Variants in HS6ST2 observed in about 807,000 individuals in gnomAD.
HS6ST2 encodes the protein heparan-sulfate 6-O-sulfotransferase 2.
HS6ST2 carries 17 observed loss-of-function variants against 33.0 expected under a neutral mutation model. That is an observed-to-expected ratio of 0.52 (90% CI 0.35 to 0.77). HS6ST2 has a LOEUF of 0.77. HS6ST2 is among the 30% of genes least tolerant of loss of function. The pLI is 0.01. For synonymous variants in HS6ST2, 248 were observed against 237.1 expected (o/e 1.05, Z -0.42); for missense variants, 519 against 551.7 (o/e 0.94, Z 0.59).
At chrX:132,805,893 G>A (rs1296764275) in intron 2 of HS6ST2, among the ~76,000 whole-genome samples, 2 of 110,559 alleles carry the variant, frequency 1.8e-5, no homozygotes, top group Non-Finnish European at 3.8e-5. Flanking sequence ...ATTACACAAT[G>A]TTTTGCCTTC....
At chrX:132,824,220 C>T (rs189746121) in intron 2 of HS6ST2, among the ~76,000 whole-genome samples, 3 of 111,671 alleles carry the variant, frequency 2.7e-5, no homozygotes, top group Non-Finnish European at 3.8e-5. Flanking sequence ...TTCATTGCTT[C>T]GTGTTTTTTA....
intron 2 of HS6ST2, among the ~76,000 whole-genome samples, chrX:132,813,409 C>G (rs1295298477): frequency 9.0e-6 from 1 of 111,536 alleles, no homozygotes; most frequent in Non-Finnish European, 1.9e-5. Flanking sequence ...ATTTATTCCG[C>G]CCAGATCACA....
chrX:132,865,572 G>C (rs1252924480), intron 2 of HS6ST2, among the ~76,000 whole-genome samples: 11 of 110,886 alleles, frequency 9.9e-5, no homozygotes, highest in African/African-American at 3.6e-4. Flanking sequence ...CACAATGGTT[G>C]AACTAGTTTA....
At chrX:132,768,335 CAAAAAA>C (rs771487342) in intron 2 of HS6ST2, among the ~76,000 whole-genome samples, 3 of 46,344 alleles carry the variant, frequency 6.5e-5, no homozygotes, top group Non-Finnish European at 1.2e-4. Context: ...GACTCTGTCT[CAAAAAA>C]AAAAAAAAAA....
chrX:132,791,975 C>G (rs745420566), intron 2 of HS6ST2, among the ~76,000 whole-genome samples: 3 of 111,460 alleles, frequency 2.7e-5, no homozygotes, highest in African/African-American at 9.8e-5. Flanking sequence ...AAAGCAAGAG[C>G]CTGTCTCCAG....
At chrX:132,868,781 G>C (rs1213397065) in intron 2 of HS6ST2, among the ~76,000 whole-genome samples, 1 of 111,808 alleles carries the variant, frequency 8.9e-6, no homozygotes, top group African/African-American at 3.2e-5. Flanking sequence ...AGCTAAAGCA[G>C]TGTTTAGAAG....
At chrX:132,939,179 C>G (rs2066859959) in intron 2 of HS6ST2, among the ~76,000 whole-genome samples, 1 of 111,818 alleles carries the variant, frequency 8.9e-6, no homozygotes, top group African/African-American at 3.3e-5. Context: ...GGCCCCACCT[C>G]CAACATTAGG....
rs1409748427 is a variant in HS6ST2 at position 132,633,208 on chromosome X, G to A, written c.1068-4115C>T. The stretch of plus-strand genomic sequence containing the variant: ...AGAAACGTGCATCAAAAAACCTCCC[G>A]GGGAGTGAAGGAGTAGTGGCAGGAA... On this transcript the variant is annotated intron_variant, in intron 4 of 4. Coordinates refer to ENST00000370833, the MANE Select transcript of HS6ST2 (RefSeq NM_001394073.1). Among the ~76,000 whole-genome samples the A allele has an allele frequency of 2.0e-4, 22 of 110,214 alleles. 1 individual carries two copies. The highest frequency in any genetic ancestry group is 6.9e-4 in the Admixed American group (7 of 10,175).
At chrX:132,873,354 T>C (rs1404042195) in intron 2 of HS6ST2, among the ~76,000 whole-genome samples, 1 of 111,764 alleles carries the variant, frequency 8.9e-6, no homozygotes, top group East Asian at 2.8e-4. Context: ...CAAGAAGCTT[T>C]GGGTCATCAC....
chrX:132,720,011 T>C (rs915041862), intron 2 of HS6ST2, among the ~76,000 whole-genome samples: 1 of 112,493 alleles, frequency 8.9e-6, no homozygotes, highest in Non-Finnish European at 1.9e-5. Context: ...TGGGAGTTTC[T>C]TCCTGCCTAA....
intron 2 of HS6ST2, among the ~76,000 whole-genome samples, chrX:132,876,654 T>C (rs1396380550): frequency 9.1e-6 from 1 of 110,484 alleles, no homozygotes; most frequent in Non-Finnish European, 1.9e-5. Flanking sequence ...CACTCCTTTA[T>C]GGTGGGAGGG....
Position 132,898,381 on chromosome X carries a change from T to TTATATATATA in HS6ST2, c.947+58417_947+58426dup, listed in dbSNP as rs10545986. Among the ~76,000 whole-genome samples, 447 of 89,182 alleles carry TTATATATATA rather than the reference T, an allele frequency of 5.0e-3. 1 individual carries two copies. The highest frequency in any genetic ancestry group is 8.2e-3 in the Non-Finnish European group (369 of 45,168). The allele number at this position is 89,182 out of a possible 115,157, so 77.4% of individuals were successfully genotyped here. The stretch of plus-strand genomic sequence containing the variant: ...ATATGCTCTCTTTATCAACATAAGG[T>TTATATATATA]TATATATATATATATATATATATAT... On this transcript the variant is annotated intron_variant, in intron 2 of 4. Coordinates refer to ENST00000370833, the MANE Select transcript of HS6ST2 (RefSeq NM_001394073.1).
At chrX:132,855,225 T>C (rs1232594925) in intron 2 of HS6ST2, among the ~76,000 whole-genome samples, 1 of 111,901 alleles carries the variant, frequency 8.9e-6, no homozygotes, top group African/African-American at 3.3e-5. Flanking sequence ...ACAATGATTA[T>C]AAGAGCCATC....
chrX:132,669,306 C>T (rs1048127225), intron 3 of HS6ST2, 107 bp from the exon 4 acceptor site: 8 of 519,294 alleles, frequency 1.5e-5, no homozygotes, highest in African/African-American at 2.7e-5. Context: ...TGCATATCCC[C>T]CCACCACCCC....
chrX:132,853,089 C>T (rs1406903813), intron 2 of HS6ST2, among the ~76,000 whole-genome samples: 4 of 112,300 alleles, frequency 3.6e-5, no homozygotes, highest in Non-Finnish European at 3.8e-5. Flanking sequence ...CCTGCACAAG[C>T]TGTTAAGATA....
At chrX:132,757,024 C>T (rs186940869) in intron 2 of HS6ST2, among the ~76,000 whole-genome samples, 10 of 111,391 alleles carry the variant, frequency 9.0e-5, no homozygotes, top group Admixed American at 9.5e-5. Context: ...TCTCAGAAAA[C>T]GTAAAGCCCT....
intron 2 of HS6ST2, among the ~76,000 whole-genome samples, chrX:132,713,860 C>T (rs2064252381): frequency 9.1e-6 from 1 of 110,026 alleles, no homozygotes; most frequent in Non-Finnish European, 1.9e-5. Context: ...ACAAGGATTC[C>T]AACCTGATCC....
chrX:132,787,576 G>A (rs1183043475), intron 2 of HS6ST2, among the ~76,000 whole-genome samples: 1 of 102,232 alleles, frequency 9.8e-6, no homozygotes, highest in African/African-American at 3.5e-5. Flanking sequence ...ACAGGCGTGA[G>A]CCACCGTGCC....
At chrX:132,815,221 A>C (rs912178471) in intron 2 of HS6ST2, among the ~76,000 whole-genome samples, 1 of 112,680 alleles carries the variant, frequency 8.9e-6, no homozygotes, top group African/African-American at 3.2e-5. Context: ...AATATACTTT[A>C]GGACATTACG....
Sources: allele counts gnomAD v4.1 joint callset (sites outside exome capture counted in the v4.1 genomes callset), GRCh38; gene constraint gnomAD v4.1.1; transcripts MANE v1.5; gene names NCBI Gene and HGNC (gene_info 2026-07-23, HGNC 2026-07-21).